SMAD4: variants seen among roughly 807,000 people sequenced by gnomAD.
The protein encoded by SMAD4 is SMAD family member 4.
In SMAD4, 7 loss-of-function variants were observed where a neutral mutation model predicts 63.2. The observed-to-expected ratio is 0.11, with a 90% CI of 0.06 to 0.21. The LOEUF is 0.21. SMAD4 is among the 10% of genes least tolerant of loss of function. SMAD4 has a pLI of 1.00. For synonymous variants in SMAD4, 215 were observed against 235.4 expected (o/e 0.91, Z 0.79); for missense variants, 312 against 693.8 (o/e 0.45, Z 6.18).
rs1909897947 is a variant in SMAD4, at chr18:51,058,321, T to C, written c.788-19T>C. 1 of 1,609,926 alleles carries C rather than the reference T, an allele frequency of 6.2e-7. No homozygotes were observed. Among genetic ancestry groups the C allele is most frequent in the Non-Finnish European group, 8.5e-7 (1 of 1,177,024 alleles). On this transcript the variant is annotated intron_variant, in intron 6 of 11. Coordinates refer to ENST00000342988, the MANE Select transcript of SMAD4 (RefSeq NM_005359.6). Reference sequence around the variant, plus strand: ...GCCTTTATAAAAGCAAATTAACCCATGTGGGCCTTAATTTTTAGACAGCAC... The same window carrying C: ...GCCTTTATAAAAGCAAATTAACCCACGTGGGCCTTAATTTTTAGACAGCAC...
In SMAD4 at chr18:51,040,497, AC is replaced by A. The variant is rs566177123; in HGVS notation, c.-127-6422del. On this transcript the variant is annotated intron_variant, in intron 1 of 11. Transcript: ENST00000342988. The stretch of plus-strand genomic sequence containing the variant: ...TAGTTTATTGATCACTGATCAAAAC[AC>A]TTACAACTTCTAGAAAATACATGTT... 5.3e-5 allele frequency among the ~76,000 whole-genome samples: 8 copies of A among 152,348 alleles called. No homozygotes were observed. The South Asian group carries it at 1.7e-3, about 32-fold the overall frequency.
intron 10 of SMAD4, among the ~76,000 whole-genome samples, chr18:51,072,152 C>T (rs1423198416): frequency 2.0e-5 from 3 of 152,190 alleles, no homozygotes; most frequent in Non-Finnish European, 4.4e-5. Context: ...TCTATGTAAA[C>T]TTTTTGAGAA....
chr18:51,039,282 A>C (rs2144385037), intron 1 of SMAD4, among the ~76,000 whole-genome samples: 1 of 152,304 alleles, frequency 6.6e-6, no homozygotes, highest in East Asian at 1.9e-4. Flanking sequence ...CTGTTCAGTT[A>C]TCAGGGAACA....
chr18:51,060,731 T>C (rs1330756736), intron 8 of SMAD4, among the ~76,000 whole-genome samples: 1 of 152,144 alleles, frequency 6.6e-6, no homozygotes, highest in Non-Finnish European at 1.5e-5. Context: ...CCTCCTAGTC[T>C]CAAGCGATCC....
chr18:51,046,358 G>A (rs999731673), intron 1 of SMAD4, among the ~76,000 whole-genome samples: 12 of 151,464 alleles, frequency 7.9e-5, no homozygotes, highest in African/African-American at 2.9e-4. Flanking sequence ...GTCTAATGTC[G>A]AGCATCTTTC....
In SMAD4 at chr18:51,067,206, T is replaced by G. The variant is rs2144453059; in HGVS notation, c.1308+19T>G. ...TATAAAGGTTAGTTACAATTTTATT[T>G]GAATATTTTAGACTTAAAGCTCTAT... is the stretch of plus-strand genomic sequence containing the variant. On this transcript the variant is annotated intron_variant, in intron 10 of 11. Transcript: ENST00000342988. The G allele has an allele frequency of 7.0e-7, 1 of 1,435,526 alleles. No individual in the cohort carries two copies. The allele number at this position is 1,435,526 out of a possible 1,614,324, so 88.9% of individuals were successfully genotyped here.
intron 4 of SMAD4, chr18:51,052,901 G>A (rs533505192): frequency 6.5e-6 from 1 of 153,318 alleles, no homozygotes; most frequent in Admixed American, 6.5e-5. Context: ...ATAGTGCTTT[G>A]TAACTTGCTT....
intron 10 of SMAD4, among the ~76,000 whole-genome samples, chr18:51,073,696 A>G (rs1910394899): frequency 6.6e-6 from 1 of 151,668 alleles, no homozygotes; most frequent in Admixed American, 6.6e-5. Context: ...ATGCCTGGCT[A>G]ATTTTTGCAT....
At chr18:51,046,262 A>G (rs1039084973) in intron 1 of SMAD4, among the ~76,000 whole-genome samples, 1 of 152,154 alleles carries the variant, frequency 6.6e-6, no homozygotes, top group African/African-American at 2.4e-5. Flanking sequence ...CGGCTTCTTC[A>G]ATACTTACTA....
At chr18:51,067,316 A>T (rs1910191004) in intron 10 of SMAD4, 129 bp downstream of exon 10, 1 of 508,966 alleles carries the variant, frequency 2.0e-6, no homozygotes, top group African/African-American at 1.9e-5. Context: ...GTTTAAGTAT[A>T]AAAAACACAT....
At chr18:51,069,823 C>T (rs1051385422) in intron 10 of SMAD4, among the ~76,000 whole-genome samples, 1 of 152,206 alleles carries the variant, frequency 6.6e-6, no homozygotes, top group Admixed American at 6.5e-5. Context: ...GAGAGTTTGG[C>T]TGTTGTCTCT....
rs1051163922 is a variant in SMAD4 at position 51,080,548 on chromosome 18, T to G, written c.*2081T>G. On this transcript the variant is annotated 3_prime_UTR_variant, in exon 12 of 12. Coordinates refer to ENST00000342988, the MANE Select transcript of SMAD4 (RefSeq NM_005359.6). ...TCATACATTGACATAATTCATTGCTTCTTTTTTTTGAGATATGGAGTCTTG... is the reference window on the plus strand; with the variant it reads ...TCATACATTGACATAATTCATTGCTGCTTTTTTTTGAGATATGGAGTCTTG... The G allele has an allele frequency of 2.5e-5, 5 of 201,892 alleles. No homozygotes were observed. The highest frequency in any genetic ancestry group is 5.1e-5 in the Non-Finnish European group (5 of 98,264). The allele number at this position is 201,892 out of a possible 1,614,324, so 12.5% of individuals were successfully genotyped here.
At chr18:51,050,840 C>T (rs1454713477) in intron 4 of SMAD4, among the ~76,000 whole-genome samples, 1 of 151,148 alleles carries the variant, frequency 6.6e-6, no homozygotes, top group African/African-American at 2.4e-5. Context: ...TTTTTTTCCA[C>T]CTTTCTCCCA....
intron 4 of SMAD4, chr18:51,053,197 G>C (rs1255613948): frequency 6.6e-6 from 1 of 152,120 alleles, no homozygotes; most frequent in Non-Finnish European, 1.5e-5. Flanking sequence ...AAGTTGACCA[G>C]TTGTATCCTC....
At chr18:51,052,606 TG>T (rs1295836488) in intron 4 of SMAD4, 8 of 289,238 alleles carry the variant, frequency 2.8e-5, no homozygotes, top group East Asian at 1.9e-4. Context: ...ATATACTATA[TG>T]TTTTTTTAAT....
chr18:51,038,397 A>C (rs1909274832), intron 1 of SMAD4, among the ~76,000 whole-genome samples: 1 of 152,216 alleles, frequency 6.6e-6, no homozygotes, highest in Non-Finnish European at 1.5e-5. Flanking sequence ...AGACAAATGG[A>C]TTTTTATATA....
At chr18:51,044,265 C>A (rs568620698) in intron 1 of SMAD4, among the ~76,000 whole-genome samples, 1 of 152,324 alleles carries the variant, frequency 6.6e-6, no homozygotes, top group East Asian at 1.9e-4. Flanking sequence ...CTGCCTCAGC[C>A]TCCTGAGGAG....
chr18:51,051,911 A>T (rs1415657901), intron 4 of SMAD4, among the ~76,000 whole-genome samples: 1 of 151,834 alleles, frequency 6.6e-6, no homozygotes, highest in East Asian at 1.9e-4. Flanking sequence ...AGTTCAAGCG[A>T]TTCTCCTGCC....
At chr18:51,069,012 A>G (rs762375574) in intron 10 of SMAD4, among the ~76,000 whole-genome samples, 9 of 152,178 alleles carry the variant, frequency 5.9e-5, no homozygotes, top group Non-Finnish European at 4.4e-5. Context: ...ATATGTACCC[A>G]TAAGTCTAGA....
Sources: allele counts gnomAD v4.1 joint callset (sites outside exome capture counted in the v4.1 genomes callset), GRCh38; gene constraint gnomAD v4.1.1; transcripts MANE v1.5; gene names NCBI Gene and HGNC (gene_info 2026-07-23, HGNC 2026-07-21).